FOCAD: variants seen among roughly 807,000 people sequenced by gnomAD.
The protein encoded by FOCAD is focadhesin.
FOCAD carries 198 observed loss-of-function variants against 225.6 expected under a neutral mutation model. The observed-to-expected ratio is 0.88, with a 90% CI of 0.78 to 0.99. The LOEUF (loss-of-function observed/expected upper bound fraction) is 0.99, where lower values mean the gene tolerates loss of function less well. Among genes scored for constraint, FOCAD ranks in the 50% least tolerant of loss-of-function variants. FOCAD has a pLI of 0.00. For synonymous variants in FOCAD, 897 were observed against 755.0 expected (o/e 1.19, Z -3.08); for missense variants, 2,713 against 2,123.6 (o/e 1.28, Z -5.46).
chr9:20,693,835 C>G (rs1007658470), intron 1 of FOCAD, among the ~76,000 whole-genome samples: 2 of 152,184 alleles, frequency 1.3e-5, no homozygotes, highest in African/African-American at 2.4e-5. Flanking sequence ...CTCAGCCTCC[C>G]AAGTAGATGG....
At chr9:20,712,730 C>CTTTTTT (rs71334550) in intron 1 of FOCAD, among the ~76,000 whole-genome samples, 10 of 93,318 alleles carry the variant, frequency 1.1e-4, no homozygotes, top group African/African-American at 9.0e-5. Context: ...CTCCTATATT[C>CTTTTTT]TTTTTTTTTT....
chr9:20,826,686 C>T (rs776112202), intron 15 of FOCAD, among the ~76,000 whole-genome samples: 1 of 152,062 alleles, frequency 6.6e-6, no homozygotes, highest in Non-Finnish European at 1.5e-5. Flanking sequence ...GGTTGTAGGA[C>T]TTCATTTTAT....
At chr9:20,811,191 C>T (rs769362687) in intron 11 of FOCAD, among the ~76,000 whole-genome samples, 5 of 151,926 alleles carry the variant, frequency 3.3e-5, no homozygotes, top group Admixed American at 6.6e-5. Context: ...GTGCTGGGAA[C>T]GAGGGACACA....
At chr9:20,926,107 G>T (rs1237567384) in intron 25 of FOCAD, among the ~76,000 whole-genome samples, 194 bp from the exon 26 acceptor site, 1 of 151,674 alleles carries the variant, frequency 6.6e-6, no homozygotes, top group East Asian at 1.9e-4. Flanking sequence ...TTCTTTTGGG[G>T]CACAGGTGAG....
intron 23 of FOCAD, 67 bp from the exon 24 acceptor site, chr9:20,916,826 G>A: frequency 7.0e-7 from 1 of 1,426,620 alleles, no homozygotes; most frequent in Non-Finnish European, 9.6e-7. Context: ...ATTAATTGAT[G>A]AAAAAGAGAA....
chr9:20,717,693 C>G, intron 2 of FOCAD, 101 bp from the exon 3 acceptor site: 1 of 882,610 alleles, frequency 1.1e-6, no homozygotes, highest in East Asian at 2.7e-5. Context: ...GGGAATTTTA[C>G]TTAATCCTAA....
At chr9:20,842,033 G>A (rs1379249434) in intron 15 of FOCAD, among the ~76,000 whole-genome samples, 1 of 151,342 alleles carries the variant, frequency 6.6e-6, no homozygotes, top group African/African-American at 2.4e-5. Flanking sequence ...CGAGCATATT[G>A]TTTAATTTCT....
chr9:20,901,901 C>G (rs920156294), intron 21 of FOCAD, among the ~76,000 whole-genome samples: 2 of 136,620 alleles, frequency 1.5e-5, no homozygotes, highest in African/African-American at 5.3e-5. Flanking sequence ...TTTAGACTTG[C>G]TTTTGTAAAA....
intron 28 of FOCAD, among the ~76,000 whole-genome samples, chr9:20,941,275 T>G (rs1309790718): frequency 6.6e-6 from 1 of 152,182 alleles, no homozygotes; most frequent in Non-Finnish European, 1.5e-5. Context: ...TGCCATCTAG[T>G]GGTAGCTCAT....
At chr9:20,797,708 C>G (rs1226529119) in intron 11 of FOCAD, among the ~76,000 whole-genome samples, 1 of 152,138 alleles carries the variant, frequency 6.6e-6, no homozygotes, top group East Asian at 1.9e-4. Context: ...TACCCTGAGA[C>G]TTTGCTGAAG....
At chr9:20,967,554 C>G (rs1161988018) in intron 35 of FOCAD, among the ~76,000 whole-genome samples, 1 of 152,076 alleles carries the variant, frequency 6.6e-6, no homozygotes, top group Non-Finnish European at 1.5e-5. Context: ...AGTGGTGAAA[C>G]TGGGAATCCT....
chr9:20,659,384 G>A (rs1348396702), intron 2 of FOCAD, among the ~76,000 whole-genome samples: 1 of 96,940 alleles, frequency 1.0e-5, no homozygotes, highest in Non-Finnish European at 2.2e-5. Flanking sequence ...TCCAGCCTGA[G>A]TGACAGAGTG....
At chr9:20,799,801 A>G (rs1395940741) in intron 11 of FOCAD, among the ~76,000 whole-genome samples, 3 of 152,124 alleles carry the variant, frequency 2.0e-5, no homozygotes, top group East Asian at 1.9e-4. Context: ...CTCTTTATCC[A>G]ATTTGCCACT....
intron 41 of FOCAD, among the ~76,000 whole-genome samples, chr9:20,988,975 A>G (rs769280290): frequency 2.6e-5 from 4 of 152,230 alleles, no homozygotes; most frequent in Non-Finnish European, 5.9e-5. Flanking sequence ...AAAATTACCT[A>G]TGACTCAAAA....
In FOCAD at chr9:20,765,082, T is replaced by C. The variant is rs1829942700; in HGVS notation, c.699+9T>C. The C allele has an allele frequency of 6.2e-7, 1 of 1,608,140 alleles. No homozygotes were observed. The highest frequency in any genetic ancestry group is 1.3e-5 in the African/African-American group (1 of 74,942). On this transcript the variant is annotated intron_variant, in intron 7 of 43. Coordinates refer to ENST00000338382, the MANE Select transcript of FOCAD (RefSeq NM_001375567.1). ...TAGTTCCATGTTTGCAGGTAAGGTC[T>C]TTGTCCTCCTCCACAAATATAGGTC... is the stretch of plus-strand genomic sequence containing the variant.
At chr9:20,895,002 A>G (rs1463454329) in intron 21 of FOCAD, among the ~76,000 whole-genome samples, 3 of 152,064 alleles carry the variant, frequency 2.0e-5, no homozygotes, top group Admixed American at 2.0e-4. Context: ...ATTTTTATGA[A>G]GAGTGTAAAG....
intron 43 of FOCAD, among the ~76,000 whole-genome samples, chr9:20,993,754 C>A (rs935870698): frequency 6.6e-6 from 1 of 152,104 alleles, no homozygotes; most frequent in South Asian, 2.1e-4. Context: ...ATATTGGTTT[C>A]TGAAAGAGAT....
At chr9:20,768,819 T>A (rs1282963132) in intron 7 of FOCAD, among the ~76,000 whole-genome samples, 1 of 152,120 alleles carries the variant, frequency 6.6e-6, no homozygotes, top group East Asian at 1.9e-4. Flanking sequence ...GCGACTCTTG[T>A]CACCTCACAT....
chr9:20,973,167 T>G (rs930396982), intron 35 of FOCAD, among the ~76,000 whole-genome samples: 1 of 151,980 alleles, frequency 6.6e-6, no homozygotes, highest in Non-Finnish European at 1.5e-5. Context: ...GCTTCTCCTT[T>G]CTGCAGCTAT....
Sources: gnomAD v4.1 joint callset for allele counts (sites outside exome capture counted in the v4.1 genomes callset) on GRCh38, gnomAD v4.1.1 for gene constraint, MANE v1.5 for transcripts, NCBI Gene and HGNC (gene_info 2026-07-23, HGNC 2026-07-21) for gene names.